KCTD16: variants seen among roughly 807,000 people sequenced by gnomAD.
KCTD16 encodes potassium channel tetramerization domain containing 16, also known as BTB/POZ domain-containing protein KCTD16.
In KCTD16, 13 loss-of-function variants were observed where a neutral mutation model predicts 33.2. The observed-to-expected ratio is 0.39, with a 90% CI of 0.25 to 0.62. KCTD16 has a LOEUF of 0.62. Among genes scored for constraint, KCTD16 ranks in the 20% least tolerant of loss-of-function variants. KCTD16 has a pLI of 0.50. For synonymous variants in KCTD16, 197 were observed against 195.3 expected, an observed-to-expected ratio of 1.01 and a Z score of -0.07; for missense variants, 441 against 525.1, an observed-to-expected ratio of 0.84 and a Z score of 1.57.
At chr5:144,213,750 A>G (rs546443742) in intron 3 of KCTD16, among the ~76,000 whole-genome samples, 138 of 152,310 alleles carry the variant, frequency 9.1e-4, no homozygotes, top group African/African-American at 3.2e-3. Flanking sequence ...TTACATATTT[A>G]TCATCTGAAT....
chr5:144,209,923 T>TAC (rs1356719004), intron 3 of KCTD16, among the ~76,000 whole-genome samples: 1 of 148,694 alleles, frequency 6.7e-6, no homozygotes, highest in Non-Finnish European at 1.5e-5. Flanking sequence ...TATATATATA[T>TAC]ACAAGCTCCT....
At position 144,322,741 on chromosome 5, in the gene KCTD16, AC is replaced by A. The variant is rs1338838548; in HGVS notation, c.832+115196del. ...ATAAACTTTATTAAAAAAAAAAAAA[AC>A]AAAAACTTCTGAACTCATGAGCTTC... On this transcript the variant is annotated intron_variant, in intron 3 of 3. Transcript: ENST00000512467. Among the ~76,000 whole-genome samples, 298 of 151,602 alleles carry A rather than the reference AC, an allele frequency of 2.0e-3. 1 individual carries two copies. Among genetic ancestry groups the A allele is most frequent in the Admixed American group, 7.3e-3 (111 of 15,226 alleles).
At chr5:144,298,365 T>C (rs1023148104) in intron 3 of KCTD16, among the ~76,000 whole-genome samples, 2 of 152,206 alleles carry the variant, frequency 1.3e-5, no homozygotes, top group African/African-American at 4.8e-5. Context: ...TTACATCACC[T>C]GCCATGCTCA....
At chr5:144,179,128 G>A (rs952219) in intron 2 of KCTD16, among the ~76,000 whole-genome samples, 34,437 of 152,004 alleles carry the variant, frequency 0.23, 4,050 homozygotes, top group East Asian at 0.41. Flanking sequence ...GGTATGTATT[G>A]TAAGACCTAC....
chr5:144,286,234 C>T (rs974450043), intron 3 of KCTD16, among the ~76,000 whole-genome samples: 1 of 152,012 alleles, frequency 6.6e-6, no homozygotes, highest in Non-Finnish European at 1.5e-5. Context: ...ATCTTGTCAC[C>T]TTCTAAAAAA....
chr5:144,259,431 A>G (rs180806055), intron 3 of KCTD16, among the ~76,000 whole-genome samples: 2 of 152,246 alleles, frequency 1.3e-5, no homozygotes, highest in East Asian at 3.9e-4. Flanking sequence ...CAGGATTTTG[A>G]TGCCATTTCT....
At chr5:144,183,033 T>C (rs1332496645) in intron 2 of KCTD16, among the ~76,000 whole-genome samples, 1 of 148,344 alleles carries the variant, frequency 6.7e-6, no homozygotes, top group Admixed American at 6.7e-5. Flanking sequence ...CTTAACTTTA[T>C]GTAATGAAAC....
chr5:144,234,234 A>G (rs1483049291), intron 3 of KCTD16, among the ~76,000 whole-genome samples: 1 of 152,128 alleles, frequency 6.6e-6, no homozygotes, highest in Non-Finnish European at 1.5e-5. Flanking sequence ...AAATTGTTCA[A>G]ACCTCCCTAT....
chr5:144,456,465 A>G (rs1406252554), intron 3 of KCTD16, among the ~76,000 whole-genome samples: 3 of 152,106 alleles, frequency 2.0e-5, no homozygotes, highest in Non-Finnish European at 4.4e-5. Flanking sequence ...CCCTGCCCCA[A>G]CACACACAGA....
intron 3 of KCTD16, among the ~76,000 whole-genome samples, chr5:144,469,051 T>C (rs1754412308): frequency 6.6e-6 from 1 of 152,210 alleles, no homozygotes; most frequent in South Asian, 2.1e-4. Context: ...TTTTTCTAAG[T>C]TGTAAAATGC....
intron 3 of KCTD16, among the ~76,000 whole-genome samples, chr5:144,409,961 T>C (rs1480396501): frequency 6.6e-6 from 1 of 152,200 alleles, no homozygotes; most frequent in Non-Finnish European, 1.5e-5. Context: ...GAGACTTCCT[T>C]GGTACTTTGA....
intron 3 of KCTD16, among the ~76,000 whole-genome samples, chr5:144,290,740 T>C (rs1755874533): frequency 6.6e-6 from 1 of 152,208 alleles, no homozygotes; most frequent in Non-Finnish European, 1.5e-5. Context: ...TTAATGCCTG[T>C]CAAGAAGGGT....
intron 3 of KCTD16, among the ~76,000 whole-genome samples, chr5:144,408,495 A>G (rs1752862534): frequency 6.6e-6 from 1 of 152,236 alleles, no homozygotes; most frequent in Non-Finnish European, 1.5e-5. Flanking sequence ...TCTTGTTTCC[A>G]GAAAATACAT....
intron 3 of KCTD16, among the ~76,000 whole-genome samples, chr5:144,342,400 G>A (rs868475514): frequency 3.3e-5 from 5 of 152,134 alleles, no homozygotes; most frequent in Non-Finnish European, 7.4e-5. Flanking sequence ...GTATAAGAAC[G>A]CTTGTGATTT....
intron 3 of KCTD16, among the ~76,000 whole-genome samples, chr5:144,405,854 T>A (rs983911324): frequency 1.3e-5 from 2 of 152,198 alleles, no homozygotes; most frequent in Admixed American, 1.3e-4. Context: ...CTGGGCAGGC[T>A]GTGAGTTTTA....
intron 3 of KCTD16, among the ~76,000 whole-genome samples, chr5:144,456,377 A>G (rs1020068144): frequency 3.3e-5 from 5 of 151,988 alleles, no homozygotes; most frequent in Admixed American, 1.3e-4. Context: ...TGAAAACACA[A>G]CCTCTCTCTC....
intron 3 of KCTD16, among the ~76,000 whole-genome samples, chr5:144,212,113 G>A (rs1444576626): frequency 3.3e-5 from 5 of 152,056 alleles, no homozygotes; most frequent in Non-Finnish European, 5.9e-5. Flanking sequence ...AAAACAAACC[G>A]CAGTTTAAGT....
At chr5:144,421,554 G>A (rs1753210405) in intron 3 of KCTD16, among the ~76,000 whole-genome samples, 1 of 152,122 alleles carries the variant, frequency 6.6e-6, no homozygotes, top group Admixed American at 6.6e-5. Flanking sequence ...GAATGCCAGT[G>A]GGGTAAGAGA....
rs1261114886 is a variant in KCTD16 at position 144,476,765 on chromosome 5, G to T, written c.*2651G>T. The T allele has an allele frequency of 6.6e-6, 1 of 152,264 alleles. No homozygotes were observed. The highest frequency in any genetic ancestry group is 1.5e-5 in the Non-Finnish European group (1 of 68,018). The allele number at this position is 152,264 out of a possible 1,614,324, so 9.4% of individuals were successfully genotyped here. ...CCAGGTAGCCTGCAACACTGGAAAT[G>T]AGTTCTGGGTAAGTGAGTTATAAGA... On this transcript the variant is annotated 3_prime_UTR_variant, in exon 4 of 4. Coordinates refer to ENST00000512467, the MANE Select transcript of KCTD16 (RefSeq NM_020768.4).
Sources: gnomAD v4.1 joint callset for allele counts (sites outside exome capture counted in the v4.1 genomes callset) on GRCh38, gnomAD v4.1.1 for gene constraint, MANE v1.5 for transcripts, NCBI Gene and HGNC (gene_info 2026-07-23, HGNC 2026-07-21) for gene names.